Variants in SCAMP1 observed in about 807,000 individuals in gnomAD.
SCAMP1 encodes the protein secretory carrier membrane protein 1, also known as secretory carrier-associated membrane protein 1.
In SCAMP1, 15 loss-of-function variants were observed where a neutral mutation model predicts 41.8. The ratio of observed to expected loss-of-function variants is 0.36; its 90% CI spans 0.24 to 0.55. The LOEUF (loss-of-function observed/expected upper bound fraction) is 0.55. Ranked by LOEUF, SCAMP1 falls within the 20% of genes least tolerant of loss-of-function variation. The pLI, the probability that SCAMP1 is intolerant of heterozygous loss-of-function variation, is 0.86. For synonymous variants in SCAMP1, 135 were observed against 136.8 expected, an observed-to-expected ratio of 0.99 and a Z score of 0.09; for missense variants, 341 against 412.6, an observed-to-expected ratio of 0.83 and a Z score of 1.50.
intron 5 of SCAMP1, among the ~76,000 whole-genome samples, chr5:78,420,351 G>A (rs1355566927): frequency 7.2e-5 from 11 of 152,214 alleles, no homozygotes; most frequent in African/African-American, 2.4e-4. Context: ...AAGTTAGAAT[G>A]TTCTTAAGGT....
intron 1 of SCAMP1, among the ~76,000 whole-genome samples, chr5:78,386,779 G>T (rs1246717864): frequency 6.6e-6 from 1 of 152,118 alleles, no homozygotes; most frequent in East Asian, 1.9e-4. Flanking sequence ...GAGATTAAAG[G>T]TAGGACCTCA....
intron 1 of SCAMP1, among the ~76,000 whole-genome samples, chr5:78,374,511 A>G (rs1390443981): frequency 1.3e-5 from 2 of 152,174 alleles, no homozygotes; most frequent in Non-Finnish European, 2.9e-5. Flanking sequence ...TGAAACAAAA[A>G]AAGGACCAGA....
chr5:78,438,177 T>C (rs548794328), intron 6 of SCAMP1, among the ~76,000 whole-genome samples: 3 of 152,320 alleles, frequency 2.0e-5, no homozygotes, highest in East Asian at 1.9e-4. Flanking sequence ...CCTGGATTCA[T>C]TGATTTTTTG....
At chr5:78,391,201 G>T (rs1358499438) in intron 2 of SCAMP1, among the ~76,000 whole-genome samples, 1 of 152,206 alleles carries the variant, frequency 6.6e-6, no homozygotes, top group South Asian at 2.1e-4. Flanking sequence ...GCCGGGCAGA[G>T]GGGCTCCTCA....
At chr5:78,432,860 A>G (rs962664503) in intron 6 of SCAMP1, among the ~76,000 whole-genome samples, 1 of 151,966 alleles carries the variant, frequency 6.6e-6, no homozygotes, top group Admixed American at 6.6e-5. Flanking sequence ...TGTAATTTTT[A>G]TTACATATGT....
At position 78,475,486 on chromosome 5, in the gene SCAMP1, T is replaced by TA; in HGVS notation, c.853-18_853-17insA. On this transcript the variant is annotated splice_polypyrimidine_tract_variant and intron_variant, in intron 8 of 8. Transcript: ENST00000621999. ...TAGGTTGCTACTTACCTTCTCCCAC[T>TA]TTTTTGTGCCTCTGTAGGTACATGG... 1 of 1,544,342 alleles carries TA rather than the reference T, an allele frequency of 6.5e-7. No homozygotes were observed. The highest frequency in any genetic ancestry group is 1.4e-5 in the African/African-American group (1 of 72,286).
At position 78,478,746 on chromosome 5, in the gene SCAMP1, T is replaced by G. The variant is rs1316828894; in HGVS notation, c.*3078T>G. ...TGTGTATATTGGATTTTTCACTTGG[T>G]TAGCTAAAGAAGATGTAAAAATATC... On this transcript the variant is annotated 3_prime_UTR_variant, in exon 9 of 9. Transcript: ENST00000621999. 6.6e-6 allele frequency: 1 copy of G among 152,182 alleles called. No individual in the cohort carries two copies. Among genetic ancestry groups the G allele is most frequent in the Admixed American group, 6.5e-5 (1 of 15,284 alleles). 9.4% of individuals were successfully genotyped at this position (152,182 alleles called of 1,614,324 possible).
chr5:78,460,795 TC>T lies in SCAMP1; in HGVS notation c.852+1435del, dbSNP rs1446213299. On this transcript the variant is annotated intron_variant, in intron 8 of 8. Coordinates refer to ENST00000621999, the MANE Select transcript of SCAMP1 (RefSeq NM_004866.6). ...TTCCTTCCTTCCTTCCTTCCTTCCTTCCTTCCTTCCTCCCTTCCTTCCTTCC... is the reference window on the plus strand; with the variant it reads ...TTCCTTCCTTCCTTCCTTCCTTCCTTCTTCCTTCCTCCCTTCCTTCCTTCC... Among the ~76,000 whole-genome samples the T allele has an allele frequency of 2.0e-3, 91 of 46,122 alleles. 4 individuals are homozygous for T. Among genetic ancestry groups the T allele is most frequent in the African/African-American group, 9.0e-3 (82 of 9,120 alleles). The allele number at this position is 46,122 out of a possible 152,430, so 30.3% of individuals were successfully genotyped here.
At chr5:78,431,729 A>G (rs1047027753) in intron 6 of SCAMP1, among the ~76,000 whole-genome samples, 4 of 151,224 alleles carry the variant, frequency 2.6e-5, no homozygotes, top group African/African-American at 9.7e-5. Context: ...CCAGCAGAGT[A>G]CTCTCAGTTC....
intron 6 of SCAMP1, 113 bp downstream of exon 6, chr5:78,422,073 GT>G (rs1752352152): frequency 1.1e-6 from 1 of 885,768 alleles, no homozygotes. Flanking sequence ...TTGTATTGTT[GT>G]GTAACATACC....
intron 2 of SCAMP1, among the ~76,000 whole-genome samples, chr5:78,402,023 T>C (rs749014904): frequency 1.4e-5 from 1 of 72,910 alleles, no homozygotes; most frequent in Non-Finnish European, 2.7e-5. Flanking sequence ...AAGATGTACA[T>C]TTTTTTTTCC....
rs1158890865 is a variant in SCAMP1, at chr5:78,449,847, T to C, written c.633-86T>C. The C allele has an allele frequency of 5.3e-6, 4 of 754,270 alleles. No homozygotes were observed. In the African/African-American group the frequency reaches 7.3e-5, roughly 14 times the overall value. 46.7% of individuals were successfully genotyped at this position (754,270 alleles called of 1,614,324 possible). The stretch of plus-strand genomic sequence containing the variant: ...TTGAATGTCATTCTGCAGGTAAATG[T>C]AAAGATAATGAGAAAAATGACGTTT... On this transcript the variant is annotated intron_variant, in intron 6 of 8. Transcript: ENST00000621999.
chr5:78,457,264 C>T (rs1580711563), intron 7 of SCAMP1, among the ~76,000 whole-genome samples: 1 of 152,206 alleles, frequency 6.6e-6, no homozygotes, highest in Non-Finnish European at 1.5e-5. Flanking sequence ...AGGCGCTCTG[C>T]GTTTTAGAGT....
At chr5:78,468,904 A>T (rs775920768) in intron 8 of SCAMP1, among the ~76,000 whole-genome samples, 1 of 152,122 alleles carries the variant, frequency 6.6e-6, no homozygotes, top group Non-Finnish European at 1.5e-5. Context: ...TCTTACAGTT[A>T]TCCCTCTATA....
intron 1 of SCAMP1, among the ~76,000 whole-genome samples, chr5:78,375,472 G>A (rs941159425): frequency 7.9e-5 from 12 of 152,130 alleles, no homozygotes; most frequent in Non-Finnish European, 1.5e-4. Flanking sequence ...AAATAATTAA[G>A]AGTCTGGTAT....
intron 2 of SCAMP1, among the ~76,000 whole-genome samples, chr5:78,414,240 T>A (rs1252455890): frequency 6.6e-6 from 1 of 151,890 alleles, no homozygotes; most frequent in Non-Finnish European, 1.5e-5. Flanking sequence ...ATATACAGAC[T>A]GTTCTGTAGC....
intron 2 of SCAMP1, among the ~76,000 whole-genome samples, chr5:78,395,308 T>A (rs577224056): frequency 2.0e-5 from 3 of 152,216 alleles, no homozygotes; most frequent in Non-Finnish European, 4.4e-5. Context: ...AATTAACTCA[T>A]GAACCCCCGA....
At chr5:78,435,423 C>T (rs761186934) in intron 6 of SCAMP1, among the ~76,000 whole-genome samples, 3 of 152,106 alleles carry the variant, frequency 2.0e-5, no homozygotes, top group Non-Finnish European at 2.9e-5. Flanking sequence ...CCCCGCCCTG[C>T]GTCCAAGGGT....
chr5:78,371,753 A>G (rs940656618), intron 1 of SCAMP1, among the ~76,000 whole-genome samples: 3 of 152,222 alleles, frequency 2.0e-5, no homozygotes, highest in South Asian at 2.1e-4. Context: ...TTTTTAAAAA[A>G]TAAATGCTTC....
Sources: allele counts gnomAD v4.1 joint callset (sites outside exome capture counted in the v4.1 genomes callset), GRCh38; gene constraint gnomAD v4.1.1; transcripts MANE v1.5; gene names NCBI Gene and HGNC (gene_info 2026-07-23, HGNC 2026-07-21).